Variants in ENPP1 observed in about 807,000 individuals in gnomAD.
The protein encoded by ENPP1 is ectonucleotide pyrophosphatase/phosphodiesterase family member 1.
Under a neutral mutation model 122.8 loss-of-function variants are expected in ENPP1, and 73 were observed. That is an observed-to-expected ratio of 0.59 (90% CI 0.49 to 0.72). ENPP1 has a LOEUF of 0.72. ENPP1 is among the 30% of genes least tolerant of loss of function. The probability of loss-of-function intolerance (pLI) is 0.00; values close to 1 mark genes in which losing one functional copy is unlikely to be tolerated. For missense variants in ENPP1, 978 were observed against 1,128.1 expected (o/e 0.87, Z 1.91); for synonymous variants, 367 against 391.6 (o/e 0.94, Z 0.74).
chr6:131,869,336 T>C, intron 12 of ENPP1, 22 bp from the exon 13 acceptor site: 1 of 1,612,062 alleles, frequency 6.2e-7, no homozygotes, highest in Non-Finnish European at 8.5e-7. Context: ...CAGCATGTTT[T>C]GGGATTTTTT....
chr6:131,886,088 T>G (rs1332791287), intron 23 of ENPP1, among the ~76,000 whole-genome samples: 1 of 152,178 alleles, frequency 6.6e-6, no homozygotes, highest in Non-Finnish European at 1.5e-5. Flanking sequence ...ATTAAGTTAT[T>G]AAGGAAGAAA....
chr6:131,821,244 C>A (rs189321923), intron 1 of ENPP1, among the ~76,000 whole-genome samples: 25 of 152,302 alleles, frequency 1.6e-4, no homozygotes, highest in Admixed American at 9.8e-4. Context: ...ATCAGCACTC[C>A]ATAAGGCTAT....
chr6:131,823,867 G>A (rs558006738), intron 1 of ENPP1, among the ~76,000 whole-genome samples: 4 of 151,778 alleles, frequency 2.6e-5, no homozygotes, highest in African/African-American at 9.7e-5. Context: ...TAGCTTCCTT[G>A]CCTATTAAAT....
chr6:131,857,706 C>G (rs1282212544), intron 6 of ENPP1, among the ~76,000 whole-genome samples: 2 of 152,068 alleles, frequency 1.3e-5, no homozygotes, highest in African/African-American at 4.8e-5. Context: ...TGCTAGATGA[C>G]GAGTTAGTGG....
chr6:131,885,109 G>A (rs752581488), intron 23 of ENPP1, 46 bp downstream of exon 23: 4 of 1,590,000 alleles, frequency 2.5e-6, no homozygotes, highest in Admixed American at 1.7e-5. Context: ...TTACCATCCA[G>A]TAGAAATGGG....
At position 131,890,711 on chromosome 6, in the gene ENPP1, G is replaced by T. The variant is rs1782458257; in HGVS notation, c.*200G>T. 1 of 606,180 alleles carries T rather than the reference G, an allele frequency of 1.6e-6. No homozygotes were observed. The highest frequency in any genetic ancestry group is 2.9e-6 in the Non-Finnish European group (1 of 341,148). 37.6% of individuals were successfully genotyped at this position (606,180 alleles called of 1,614,324 possible). A position where few individuals can be genotyped will look rare whatever the true frequency, so the allele number is the denominator to read the frequency against. On this transcript the variant is annotated 3_prime_UTR_variant, in exon 25 of 25. Coordinates refer to ENST00000647893, the MANE Select transcript of ENPP1 (RefSeq NM_006208.3). ...TTCCTGTTGAATCTTGCACATATTT[G>T]AATGTGTAAGCATTGTATACATTGA...
intron 9 of ENPP1, 70 bp downstream of exon 9, chr6:131,861,774 T>C (rs1414211897): frequency 1.1e-6 from 1 of 884,166 alleles, no homozygotes; most frequent in African/African-American, 1.6e-5. Flanking sequence ...CTCCTTTTTA[T>C]TGAATCCTGA....
At chr6:131,863,711 A>G (rs528812942) in intron 9 of ENPP1, among the ~76,000 whole-genome samples, 2 of 150,486 alleles carry the variant, frequency 1.3e-5, no homozygotes, top group East Asian at 3.9e-4. Context: ...TCAGGAGATC[A>G]CCTGGCTAAC....
chr6:131,882,801 T>G (rs927374677), intron 21 of ENPP1, among the ~76,000 whole-genome samples: 2 of 151,764 alleles, frequency 1.3e-5, no homozygotes, highest in Non-Finnish European at 2.9e-5. Context: ...GTTGATGTAG[T>G]GCAGATATGG....
At chr6:131,850,446 A>G (rs1241459067) in intron 3 of ENPP1, among the ~76,000 whole-genome samples, 1 of 152,222 alleles carries the variant, frequency 6.6e-6, no homozygotes. Context: ...AAGAGATCTT[A>G]TATGTCCACC....
rs1402279765 is a variant in ENPP1, at chr6:131,864,583, A to G, written c.1091+12A>G. 1 of 1,542,490 alleles carries G rather than the reference A, an allele frequency of 6.5e-7. No individual in the cohort carries two copies. The highest frequency in any genetic ancestry group is 2.3e-5 in the East Asian group (1 of 44,386). On this transcript the variant is annotated intron_variant, in intron 10 of 24. Coordinates refer to ENST00000647893, the MANE Select transcript of ENPP1 (RefSeq NM_006208.3). ...CCTAAAGATGAAAGGTCTGTAGGCA[A>G]TTAATTTCTATTGTAAATACTTCGT...
intron 2 of ENPP1, among the ~76,000 whole-genome samples, 173 bp downstream of exon 2, chr6:131,848,021 A>G (rs1781835143): frequency 6.6e-6 from 1 of 152,116 alleles, no homozygotes; most frequent in Non-Finnish European, 1.5e-5. Flanking sequence ...CTTGTATTAT[A>G]TTAGTCATAT....
intron 24 of ENPP1, among the ~76,000 whole-genome samples, chr6:131,889,877 C>A (rs1316240725): frequency 6.6e-6 from 1 of 152,198 alleles, no homozygotes; most frequent in African/African-American, 2.4e-5. Flanking sequence ...CTGTCTTCCA[C>A]AGTGGTTGCA....
At position 131,847,859 on chromosome 6, in the gene ENPP1, GTGTGTGT is replaced by G. The variant is rs773969324; in HGVS notation, c.313+12_313+18del. The G allele has an allele frequency of 5.7e-6, 4 of 704,574 alleles. No homozygotes were observed. The African/African-American group carries it at 1.2e-4, about 22-fold the overall frequency. 43.6% of individuals were successfully genotyped at this position (704,574 alleles called of 1,614,324 possible). A position where few individuals can be genotyped will look rare whatever the true frequency, so the allele number is the denominator to read the frequency against. ...GCTGTGCCAAAGAAGGTAATTAGGT[GTGTGTGT>G]GTGTGTGTGTGTGTGTGTGTGTGTG... is the stretch of plus-strand genomic sequence containing the variant. On this transcript the variant is annotated intron_variant, in intron 2 of 24. Coordinates refer to ENST00000647893, the MANE Select transcript of ENPP1 (RefSeq NM_006208.3).
rs377618833 is a variant in ENPP1, at chr6:131,863,900, G to C, written c.1026-606G>C. On this transcript the variant is annotated intron_variant, in intron 9 of 24. Transcript: ENST00000647893. The stretch of plus-strand genomic sequence containing the variant: ...CACTGCACTCCAGCCTGGTGACAGA[G>C]TGAGACTCTGTCTCAAAAAAAACAA... 1.0e-3 allele frequency among the ~76,000 whole-genome samples: 152 copies of C among 152,206 alleles called. 7 individuals are homozygous for C. The South Asian group carries it at 0.031, about 31-fold the overall frequency.
Position 131,858,648 on chromosome 6 carries a change from T to C in ENPP1, c.716-20T>C. 2.0e-6 allele frequency: 3 copies of C among 1,493,236 alleles called. No individual in the cohort carries two copies. Among genetic ancestry groups the C allele is most frequent in the Non-Finnish European group, 2.8e-6 (3 of 1,071,660 alleles). The allele number at this position is 1,493,236 out of a possible 1,614,324, so 92.5% of individuals were successfully genotyped here. A position where few individuals can be genotyped will look rare whatever the true frequency, so the allele number is the denominator to read the frequency against. On this transcript the variant is annotated intron_variant, in intron 6 of 24. Transcript: ENST00000647893. ...TTGTCAGATGTATTTAATAACAATG[T>C]TTATTTTTTTCCCTTCTAGAAAAAT...
intron 24 of ENPP1, among the ~76,000 whole-genome samples, chr6:131,887,538 G>T (rs1242825923): frequency 1.4e-5 from 2 of 141,152 alleles, no homozygotes; most frequent in African/African-American, 5.3e-5. Context: ...GACTACAGGC[G>T]CCCGCCACCA....
At chr6:131,814,395 C>T (rs1379980134) in intron 1 of ENPP1, among the ~76,000 whole-genome samples, 1 of 151,820 alleles carries the variant, frequency 6.6e-6, no homozygotes, top group Non-Finnish European at 1.5e-5. Flanking sequence ...GTGAATCCTG[C>T]TGACCTAAAG....
chr6:131,827,927 G>A (rs193292004), intron 1 of ENPP1: 28 of 1,091,938 alleles, frequency 2.6e-5, no homozygotes, highest in South Asian at 1.5e-4. Flanking sequence ...CAGGTGGTCC[G>A]TGGAGAATCG....
Sources: gnomAD v4.1 joint callset for allele counts (sites outside exome capture counted in the v4.1 genomes callset) on GRCh38, gnomAD v4.1.1 for gene constraint, MANE v1.5 for transcripts, NCBI Gene and HGNC (gene_info 2026-07-23, HGNC 2026-07-21) for gene names.